The following TBC1D5 variants were observed in gnomAD, a reference collection of about 807,000 sequenced individuals.
TBC1D5 encodes TBC1 domain family member 5, also known as TBC1 domain family, member 5.
Under a neutral mutation model 100.3 loss-of-function variants are expected in TBC1D5, and 75 were observed. That is an observed-to-expected ratio of 0.75 (90% CI 0.62 to 0.91). TBC1D5 has a LOEUF of 0.91. Among genes scored for constraint, TBC1D5 ranks in the 40% least tolerant of loss-of-function variants. The pLI, the probability that TBC1D5 is intolerant of heterozygous loss-of-function variation, is 0.00. For synonymous variants in TBC1D5, 323 were observed against 325.6 expected, an observed-to-expected ratio of 0.99 and a Z score of 0.09; for missense variants, 910 against 942.4, an observed-to-expected ratio of 0.97 and a Z score of 0.45.
intron 2 of TBC1D5, among the ~76,000 whole-genome samples, chr3:17,621,478 G>A (rs370312517): frequency 1.3e-5 from 2 of 152,158 alleles, no homozygotes; most frequent in African/African-American, 4.8e-5. Context: ...CAGAAATTAA[G>A]GAAGCACTGA....
chr3:17,343,992 T>C (rs2089447952), intron 13 of TBC1D5, among the ~76,000 whole-genome samples: 2 of 152,204 alleles, frequency 1.3e-5, no homozygotes, highest in African/African-American at 2.4e-5. Flanking sequence ...ATTTTAGTTA[T>C]TTCTTGCCTT....
intron 1 of TBC1D5, among the ~76,000 whole-genome samples, chr3:17,680,947 G>A (rs1184279418): frequency 6.6e-6 from 1 of 151,414 alleles, no homozygotes; most frequent in African/African-American, 2.5e-5. Flanking sequence ...ACTTCCATGA[G>A]AACAACCTTG....
At chr3:17,387,759 T>A (rs2093212255) in intron 8 of TBC1D5, among the ~76,000 whole-genome samples, 1 of 150,050 alleles carries the variant, frequency 6.7e-6, no homozygotes, top group African/African-American at 2.4e-5. Context: ...TTTTGAAACA[T>A]AATTAAAAGC....
chr3:17,157,280 G>C (rs1224054365), exon 22 of TBC1D5: 1 of 152,240 alleles, frequency 6.6e-6, no homozygotes, highest in Non-Finnish European at 1.5e-5. Flanking sequence ...AGAAAAAAGC[G>C]ATAGGGCATA....
intron 2 of TBC1D5, among the ~76,000 whole-genome samples, chr3:17,604,061 G>A (rs1237687809): frequency 1.3e-5 from 2 of 152,010 alleles, no homozygotes; most frequent in East Asian, 3.9e-4. Flanking sequence ...CCCTAATTTT[G>A]GGGTTCAACC....
chr3:17,364,367 G>A (rs1231209674), intron 13 of TBC1D5, among the ~76,000 whole-genome samples: 3 of 151,944 alleles, frequency 2.0e-5, no homozygotes, highest in Admixed American at 1.3e-4. Flanking sequence ...GCCAGGTTCA[G>A]TTTAGGGAGG....
At chr3:17,710,591 T>A (rs1010365010) in intron 1 of TBC1D5, among the ~76,000 whole-genome samples, 7 of 151,704 alleles carry the variant, frequency 4.6e-5, no homozygotes, top group Middle Eastern at 6.8e-3. Flanking sequence ...AATAAATAAA[T>A]AAAAATATAT....
At chr3:17,684,780 G>C (rs2070017207) in intron 1 of TBC1D5, among the ~76,000 whole-genome samples, 2 of 151,714 alleles carry the variant, frequency 1.3e-5, no homozygotes, top group Non-Finnish European at 2.9e-5. Flanking sequence ...AATTTATATA[G>C]AAAGATTTAT....
At chr3:17,691,512 T>A (rs1234575617) in intron 1 of TBC1D5, among the ~76,000 whole-genome samples, 1 of 152,114 alleles carries the variant, frequency 6.6e-6, no homozygotes, top group Non-Finnish European at 1.5e-5. Context: ...CACAGGCAAA[T>A]GCTCCACGAA....
chr3:17,469,359 T>C (rs1280952611), intron 3 of TBC1D5, among the ~76,000 whole-genome samples: 2 of 152,188 alleles, frequency 1.3e-5, no homozygotes, highest in Non-Finnish European at 2.9e-5. Context: ...ATACATCATT[T>C]TACAATGTAA....
chr3:17,296,074 C>T (rs184025398), intron 14 of TBC1D5, among the ~76,000 whole-genome samples: 22 of 152,062 alleles, frequency 1.4e-4, no homozygotes, highest in East Asian at 7.7e-4. Context: ...ACAGGGGTAT[C>T]GGTACAAACT....
At chr3:17,485,015 A>G (rs1379701099) in intron 3 of TBC1D5, among the ~76,000 whole-genome samples, 2 of 152,154 alleles carry the variant, frequency 1.3e-5, no homozygotes, top group East Asian at 3.9e-4. Flanking sequence ...TATGATAAAC[A>G]TAAGATGAAA....
chr3:17,304,373 A>C (rs914567501), intron 14 of TBC1D5, among the ~76,000 whole-genome samples: 4 of 152,142 alleles, frequency 2.6e-5, no homozygotes, highest in Admixed American at 1.3e-4. Context: ...AACAAGTGAA[A>C]GCTTCAAAAC....
At chr3:17,264,912 A>G (rs561874913) in intron 15 of TBC1D5, among the ~76,000 whole-genome samples, 1 of 152,368 alleles carries the variant, frequency 6.6e-6, no homozygotes, top group East Asian at 1.9e-4. Context: ...CCTAAAATTC[A>G]TGATAACAAA....
At chr3:17,591,242 AAAAAAAAAAAAAAAAAAAAAAAAAC>A (rs1225827619) in intron 2 of TBC1D5, among the ~76,000 whole-genome samples, 2 of 104,984 alleles carry the variant, frequency 1.9e-5, no homozygotes, top group African/African-American at 4.9e-5. Flanking sequence ...TCAAAAAAAA[AAAAAAAAAAAAAAAAAAAAAAAAAC>A]AAAAACCCCA....
chr3:17,284,123 C>CAT (rs397973475), intron 15 of TBC1D5, among the ~76,000 whole-genome samples: 1 of 150,704 alleles, frequency 6.6e-6, no homozygotes, highest in South Asian at 2.1e-4. Context: ...CACACACACA[C>CAT]GTATTTTTAA....
At position 17,425,135 on chromosome 3, in the gene TBC1D5, G is replaced by A. The variant is rs189520817; in HGVS notation, c.167+3315C>T. Among the ~76,000 whole-genome samples, 306 of 152,272 alleles carry A rather than the reference G, an allele frequency of 2.0e-3. 4 individuals carry two copies. The highest frequency in any genetic ancestry group is 5.5e-3 in the Admixed American group (84 of 15,290). ...GGTTAGTGATGATGACAATGATGAT[G>A]ATGACACTGTCTGGAACAAAAAAGT... On this transcript the variant is annotated intron_variant, in intron 4 of 21. Coordinates refer to ENST00000253692, the Ensembl canonical transcript of TBC1D5.
chr3:17,236,342 G>A (rs890333365), intron 17 of TBC1D5, among the ~76,000 whole-genome samples: 1 of 152,124 alleles, frequency 6.6e-6, no homozygotes, highest in East Asian at 1.9e-4. Flanking sequence ...TAAGAAATAT[G>A]TAAAATAACA....
intron 1 of TBC1D5, among the ~76,000 whole-genome samples, chr3:17,673,860 T>C (rs1418514489): frequency 6.6e-6 from 1 of 152,170 alleles, no homozygotes; most frequent in African/African-American, 2.4e-5. Context: ...GGAGATCTCA[T>C]GCTTTTATTT....
Sources: allele counts gnomAD v4.1 joint callset (sites outside exome capture counted in the v4.1 genomes callset), GRCh38; gene constraint gnomAD v4.1.1; transcripts MANE v1.5; gene names NCBI Gene and HGNC (gene_info 2026-07-23, HGNC 2026-07-21).